The following SMOC1 variants were observed in gnomAD, a reference collection of about 807,000 sequenced individuals.
SMOC1 encodes the protein SPARC-related modular calcium-binding protein 1.
In SMOC1, 22 loss-of-function variants were observed where a neutral mutation model predicts 56.3. That is an observed-to-expected ratio of 0.39 (90% CI 0.28 to 0.56). The LOEUF is 0.56. Among genes scored for constraint, SMOC1 ranks in the 20% least tolerant of loss-of-function variants. SMOC1 has a pLI of 0.61. For synonymous variants in SMOC1, 193 were observed against 215.0 expected, an observed-to-expected ratio of 0.90 and a Z score of 0.89; for missense variants, 509 against 565.4, an observed-to-expected ratio of 0.90 and a Z score of 1.01.
intron 1 of SMOC1, among the ~76,000 whole-genome samples, chr14:69,915,737 TGGGTTTTTA>T (rs1193524093): frequency 6.6e-6 from 1 of 152,216 alleles, no homozygotes; most frequent in African/African-American, 2.4e-5. Flanking sequence ...CTCATTGTAC[TGGGTTTTTA>T]GCAGCTCTTG....
chr14:69,883,726 C>T (rs1883709778), intron 1 of SMOC1, among the ~76,000 whole-genome samples: 1 of 152,084 alleles, frequency 6.6e-6, no homozygotes, highest in African/African-American at 2.4e-5. Flanking sequence ...GATGGCTGTA[C>T]TAATTTATGT....
intron 1 of SMOC1, among the ~76,000 whole-genome samples, chr14:69,880,548 C>A (rs1883609253): frequency 6.6e-6 from 1 of 152,184 alleles, no homozygotes; most frequent in South Asian, 2.1e-4. Flanking sequence ...GTATTGTGTT[C>A]ATTTCTGGTC....
chr14:70,032,053 T>G lies in SMOC1; in HGVS notation c.*1795T>G, dbSNP rs1362487171. 6.6e-6 allele frequency: 1 copy of G among 152,314 alleles called. No homozygotes were observed. The highest frequency in any genetic ancestry group is 2.4e-5 in the African/African-American group (1 of 41,462). The allele number at this position is 152,314 out of a possible 1,614,324, so 9.4% of individuals were successfully genotyped here. A position where few individuals can be genotyped will look rare whatever the true frequency, so the allele number is the denominator to read the frequency against. ...AAAGTCCTAGAGGTTATCTCAGGAA[T>G]GACTGGTGGCCCTGCCCCAACGTGG... is the stretch of plus-strand genomic sequence containing the variant. On this transcript the variant is annotated 3_prime_UTR_variant, in exon 12 of 12. Transcript: ENST00000361956.
intron 10 of SMOC1, among the ~76,000 whole-genome samples, chr14:70,018,365 C>A (rs1167055442): frequency 9.8e-6 from 1 of 101,790 alleles, no homozygotes; most frequent in Non-Finnish European, 2.2e-5. Context: ...GGCATCTACT[C>A]CCTTTTCTGG....
chr14:69,988,546 T>C (rs1158392766), intron 5 of SMOC1, among the ~76,000 whole-genome samples: 1 of 152,230 alleles, frequency 6.6e-6, no homozygotes, highest in Non-Finnish European at 1.5e-5. Flanking sequence ...CCTTTTTGTT[T>C]TAACAGCTTT....
intron 1 of SMOC1, among the ~76,000 whole-genome samples, chr14:69,899,233 C>T (rs998613446): frequency 9.2e-5 from 14 of 152,288 alleles, no homozygotes; most frequent in South Asian, 4.2e-4. Flanking sequence ...CCTCTTCTGC[C>T]GGAAGGGTTG....
At chr14:69,989,549 C>CA (rs1445476663) in intron 5 of SMOC1, among the ~76,000 whole-genome samples, 1 of 152,148 alleles carries the variant, frequency 6.6e-6, no homozygotes, top group African/African-American at 2.4e-5. Flanking sequence ...TACACCTACA[C>CA]AAAAAAGTGT....
intron 6 of SMOC1, 126 bp downstream of exon 6, chr14:69,992,599 C>T (rs1884605383): frequency 1.2e-6 from 1 of 819,466 alleles, no homozygotes; most frequent in South Asian, 1.6e-5. Context: ...CAATTTTTCC[C>T]AGTGTAAGCT....
At chr14:70,005,912 T>C (rs557639516) in intron 7 of SMOC1, among the ~76,000 whole-genome samples, 8 of 152,178 alleles carry the variant, frequency 5.3e-5, no homozygotes, top group Non-Finnish European at 1.0e-4. Context: ...CCTTCTAATC[T>C]TGTCATCTTT....
chr14:69,921,034 T>C (rs1884825969), intron 1 of SMOC1, among the ~76,000 whole-genome samples: 1 of 152,180 alleles, frequency 6.6e-6, no homozygotes, highest in Non-Finnish European at 1.5e-5. Flanking sequence ...TGAGGACCCA[T>C]AGTTGGTCGC....
At chr14:69,978,052 G>T in intron 5 of SMOC1, 87 bp downstream of exon 5, 1 of 1,068,020 alleles carries the variant, frequency 9.4e-7, no homozygotes, top group South Asian at 1.3e-5. Context: ...AGGAGCCTGG[G>T]GTGAAAGCCT....
intron 9 of SMOC1, 139 bp downstream of exon 9, chr14:70,011,706 G>C (rs1404289684): frequency 1.2e-6 from 1 of 804,170 alleles, no homozygotes; most frequent in East Asian, 2.7e-5. Flanking sequence ...TCTACATCCT[G>C]GTCTGGGATT....
intron 1 of SMOC1, among the ~76,000 whole-genome samples, chr14:69,922,730 GAGC>G: frequency 6.6e-6 from 1 of 152,202 alleles, no homozygotes; most frequent in South Asian, 2.1e-4. Context: ...TATGGGGACA[GAGC>G]CCTAGTGTTG....
At chr14:70,027,007 A>G (rs779087609) in intron 11 of SMOC1, among the ~76,000 whole-genome samples, 3 of 152,140 alleles carry the variant, frequency 2.0e-5, no homozygotes, top group Non-Finnish European at 4.4e-5. Flanking sequence ...GGATTAATCA[A>G]TGGGGTGGGG....
At chr14:69,992,361 A>C in intron 5 of SMOC1, 56 bp from the exon 6 acceptor site, 1 of 1,562,736 alleles carries the variant, frequency 6.4e-7, no homozygotes, top group Admixed American at 1.7e-5. Flanking sequence ...GAGAGTAGAT[A>C]GTATTTACCT....
At chr14:69,970,408 C>CT (rs1298219051) in intron 3 of SMOC1, among the ~76,000 whole-genome samples, 1 of 152,156 alleles carries the variant, frequency 6.6e-6, no homozygotes, top group Admixed American at 6.5e-5. Flanking sequence ...ACCTCTAAGG[C>CT]TTTTTCCAGT....
intron 10 of SMOC1, 131 bp from the exon 11 acceptor site, chr14:70,023,072 G>T: frequency 1.4e-6 from 2 of 1,389,592 alleles, no homozygotes; most frequent in Non-Finnish European, 2.0e-6. Flanking sequence ...AGGCTGAGCC[G>T]CTGTGGGTGG....
At chr14:69,992,507 C>T (rs1457404616) in intron 6 of SMOC1, 34 bp downstream of exon 6, 2 of 1,498,370 alleles carry the variant, frequency 1.3e-6, no homozygotes, top group Admixed American at 3.3e-5. Flanking sequence ...TGTTCATTCT[C>T]CCACTCATTT....
intron 10 of SMOC1, among the ~76,000 whole-genome samples, chr14:70,021,094 CT>C (rs1178647707): frequency 1.3e-5 from 2 of 152,176 alleles, no homozygotes; most frequent in Non-Finnish European, 2.9e-5. Context: ...AAAGGAAGAG[CT>C]GCCTTTGCCT....
Sources: allele counts gnomAD v4.1 joint callset (sites outside exome capture counted in the v4.1 genomes callset), GRCh38; gene constraint gnomAD v4.1.1; transcripts MANE v1.5; gene names NCBI Gene and HGNC (gene_info 2026-07-23, HGNC 2026-07-21).